The following USP45 variants were observed in gnomAD, a reference collection of about 807,000 sequenced individuals.
The protein encoded by USP45 is ubiquitin specific peptidase 45.
Under a neutral mutation model 95.8 loss-of-function variants are expected in USP45, and 89 were observed. The observed-to-expected ratio is 0.93, with a 90% confidence interval of 0.78 to 1.11. The LOEUF (loss-of-function observed/expected upper bound fraction) is 1.11. USP45 is among the 50% of genes least tolerant of loss of function. The probability of loss-of-function intolerance (pLI) is 0.00; values close to 1 mark genes in which losing one functional copy is unlikely to be tolerated. For missense variants in USP45, 898 were observed against 942.5 expected (o/e 0.95, Z 0.62); for synonymous variants, 281 against 316.2 (o/e 0.89, Z 1.18).
At chr6:99,449,774 T>G (rs1280537400) in intron 13 of USP45, among the ~76,000 whole-genome samples, 1 of 152,174 alleles carries the variant, frequency 6.6e-6, no homozygotes, top group Admixed American at 6.5e-5. Flanking sequence ...GACCACACAG[T>G]TGGAAGTCAA....
chr6:99,452,928 C>CA (rs1167931938), intron 13 of USP45, among the ~76,000 whole-genome samples: 22 of 151,876 alleles, frequency 1.4e-4, no homozygotes, highest in Non-Finnish European at 2.1e-4. Context: ...ATCACAAGAA[C>CA]AAAAAACCAA....
chr6:99,487,498 C>T (rs1021915778), intron 7 of USP45, among the ~76,000 whole-genome samples: 2 of 151,944 alleles, frequency 1.3e-5, no homozygotes, highest in Admixed American at 6.6e-5. Context: ...TTCAAAAAAC[C>T]TTTAGATGTG....
At chr6:99,448,999 C>T (rs1302258131) in intron 13 of USP45, among the ~76,000 whole-genome samples, 1 of 152,152 alleles carries the variant, frequency 6.6e-6, no homozygotes, top group African/African-American at 2.4e-5. Flanking sequence ...ACCAGACCTG[C>T]CCTACAAGAG....
At chr6:99,435,993 C>T in intron 17 of USP45, 147 bp from the exon 18 acceptor site, 1 of 753,064 alleles carries the variant, frequency 1.3e-6, no homozygotes, top group African/African-American at 1.8e-5. Context: ...TAAGCATTTT[C>T]CAAAAAGAAC....
At chr6:99,444,547 G>A (rs541398575) in intron 14 of USP45, among the ~76,000 whole-genome samples, 1 of 152,224 alleles carries the variant, frequency 6.6e-6, no homozygotes, top group South Asian at 2.1e-4. Flanking sequence ...CCAATCCAGA[G>A]CCCAGAGCGC....
At chr6:99,491,843 G>A (rs1288931565) in intron 5 of USP45, among the ~76,000 whole-genome samples, 1 of 151,354 alleles carries the variant, frequency 6.6e-6, no homozygotes, top group Non-Finnish European at 1.5e-5. Flanking sequence ...TTATTAACAT[G>A]AAAACAGAAT....
At chr6:99,516,157 A>C (rs1801094549), upstream of USP45, among the ~76,000 whole-genome samples, 1 of 148,110 alleles carries the variant, frequency 6.8e-6, no homozygotes, top group African/African-American at 2.5e-5. Context: ...TTTTTCCCCC[A>C]TTGCTGTTGT....
intron 2 of USP45, 49 bp downstream of exon 2, chr6:99,510,072 T>C (rs1390632834): frequency 3.6e-6 from 5 of 1,397,680 alleles, no homozygotes; most frequent in Non-Finnish European, 5.1e-6. Flanking sequence ...GTCAACTGCA[T>C]TGTTATTTCT....
At position 99,446,387 on chromosome 6, in the gene USP45, T is replaced by C. The variant is rs752660425; in HGVS notation, c.1385A>G (p.Asn462Ser). 5.6e-6 allele frequency: 9 copies of C among 1,614,158 alleles called. No individual in the cohort carries two copies. The Admixed American group carries it at 1.5e-4, about 27-fold the overall frequency. The change falls in exon 14 of 18, where the codon AAC becomes AGC. Residue 462 changes from asparagine to serine, a missense_variant. By Grantham distance (46) the Asn-to-Ser change is conservative. Coordinates refer to ENST00000500704, the MANE Select transcript of USP45 (RefSeq NM_001346022.3). ...TAAAGAATCCCCATTCATTTCAAGG[T>C]TTTCATTTTTCTGGTATGTGACAGT... ...GETVTYQKNE[N>S]LEMNGDSLMF...
In USP45 at chr6:99,443,579, T is replaced by C; in HGVS notation, c.2059A>G (p.Lys687Glu). 2.5e-6 allele frequency: 4 copies of C among 1,607,972 alleles called. No individual in the cohort carries two copies. The highest frequency in any genetic ancestry group is 2.5e-6 in the Non-Finnish European group (3 of 1,176,586). ...AVPAVLILHL[K>E]RFHQAGLSLR... ...AAGAAACTTACCTGATGAAATCTTT[T>C]CAGGTGGAGAATTAGGACAGCTGGA... Residue 687 changes from lysine (K) to glutamate (E), a missense_variant, in exon 15 of 18, where the codon AAA (lysine) becomes GAA (glutamate). Coordinates refer to ENST00000500704, the MANE Select transcript of USP45 (RefSeq NM_001346022.3).
At chr6:99,477,727 T>C (rs1478925323) in intron 8 of USP45, among the ~76,000 whole-genome samples, 3 of 152,166 alleles carry the variant, frequency 2.0e-5, no homozygotes, top group Non-Finnish European at 2.9e-5. Context: ...CAATCCAGCC[T>C]GTAAGAGGAA....
intron 5 of USP45, among the ~76,000 whole-genome samples, chr6:99,501,252 ATC>A (rs1403561758): frequency 6.6e-6 from 1 of 150,706 alleles, no homozygotes; most frequent in African/African-American, 2.4e-5. Context: ...ACTCCCTACA[ATC>A]TGTGTGCCAC....
intron 1 of USP45, among the ~76,000 whole-genome samples, chr6:99,510,855 G>A (rs566442043): frequency 8.6e-5 from 13 of 152,044 alleles, no homozygotes; most frequent in Non-Finnish European, 1.6e-4. Flanking sequence ...TTTCATCAAC[G>A]GAGTAAGTAT....
chr6:99,458,490 A>C (rs1190843172), intron 13 of USP45, among the ~76,000 whole-genome samples: 2 of 152,232 alleles, frequency 1.3e-5, no homozygotes, highest in African/African-American at 4.8e-5. Flanking sequence ...ATGGTGAGAC[A>C]TAAGTTCAAG....
intron 8 of USP45, among the ~76,000 whole-genome samples, chr6:99,480,625 T>C (rs981877085): frequency 1.3e-5 from 2 of 151,608 alleles, no homozygotes; most frequent in Non-Finnish European, 2.9e-5. Flanking sequence ...AATCATACCA[T>C]TGCACTCCAG....
At chr6:99,484,027 A>ATTTTTT (rs1295214435) in intron 7 of USP45, among the ~76,000 whole-genome samples, 3 of 8,624 alleles carry the variant, frequency 3.5e-4, no homozygotes, top group Non-Finnish European at 5.5e-4. Flanking sequence ...TTTTTTTTTA[A>ATTTTTT]AGAGACAGGG....
chr6:99,515,769 TC>T (rs1801047937), upstream of USP45, among the ~76,000 whole-genome samples: 3 of 103,586 alleles, frequency 2.9e-5, no homozygotes, highest in East Asian at 3.7e-4. Flanking sequence ...TCCTCTGAAC[TC>T]TTTTTTTTTT....
At chr6:99,506,521 C>A (rs576868158) in intron 4 of USP45, among the ~76,000 whole-genome samples, 6 of 152,250 alleles carry the variant, frequency 3.9e-5, no homozygotes, top group African/African-American at 1.2e-4. Context: ...ATTGGCCAGG[C>A]TGGTCTCAAA....
chr6:99,496,190 T>C (rs889997826), intron 5 of USP45, among the ~76,000 whole-genome samples: 76 of 152,254 alleles, frequency 5.0e-4, no homozygotes, highest in Admixed American at 3.8e-3. Flanking sequence ...TGTTATGTTG[T>C]CTATGCTCGT....
Sources: gnomAD v4.1 joint callset for allele counts (sites outside exome capture counted in the v4.1 genomes callset) on GRCh38, gnomAD v4.1.1 for gene constraint, MANE v1.5 for transcripts, NCBI Gene and HGNC (gene_info 2026-07-23, HGNC 2026-07-21) for gene names.